Variants in TAGLN3 observed in about 807,000 individuals in gnomAD.
TAGLN3 encodes the protein transgelin-3.
Under a neutral mutation model 25.4 loss-of-function variants are expected in TAGLN3, and 12 were observed. The observed-to-expected ratio is 0.47, with a 90% CI of 0.30 to 0.77. The LOEUF (loss-of-function observed/expected upper bound fraction) is 0.77, where lower values mean the gene tolerates loss of function less well. TAGLN3 is among the 30% of genes least tolerant of loss of function. The pLI is 0.06. For synonymous variants in TAGLN3, 96 were observed against 94.8 expected (o/e 1.01, Z -0.08); for missense variants, 218 against 255.8 (o/e 0.85, Z 1.01).
intron 3 of TAGLN3, 86 bp from the exon 4 acceptor site, chr3:112,011,677 C>G: frequency 4.6e-6 from 6 of 1,302,482 alleles, no homozygotes; most frequent in Non-Finnish European, 6.4e-6. Flanking sequence ...TCTATCAGAA[C>G]TTCCCTCCTG....
intron 3 of TAGLN3, among the ~76,000 whole-genome samples, chr3:112,004,990 C>A (rs1207069741): frequency 2.6e-5 from 4 of 152,132 alleles, no homozygotes; most frequent in Non-Finnish European, 5.9e-5. Context: ...ACTTTGTGAT[C>A]ATTACCCTCT....
chr3:111,999,570 G>T lies in TAGLN3; in HGVS notation c.148G>T (p.Ala50Ser). The change falls in exon 2 of 5, where the codon GCC (alanine) becomes TCC (serine). Residue 50 changes from alanine (A) to serine (S), a missense_variant. Coordinates refer to ENST00000478951, the MANE Select transcript of TAGLN3 (RefSeq NM_001008272.2). ...EDIEHPPPGR[A>S]HFQKWLMDGT... ...CATAGAGCACCCGCCCCCCGGCAGGGCCCATTTTCAGAAATGGTTAATGGA... is the reference window on the plus strand; with the variant it reads ...CATAGAGCACCCGCCCCCCGGCAGGTCCCATTTTCAGAAATGGTTAATGGA... 1 of 1,614,072 alleles carries T rather than the reference G, an allele frequency of 6.2e-7. No individual in the cohort carries two copies. The highest frequency in any genetic ancestry group is 1.1e-5 in the South Asian group (1 of 91,062).
At chr3:112,010,338 C>A (rs971420537) in intron 3 of TAGLN3, among the ~76,000 whole-genome samples, 1 of 152,052 alleles carries the variant, frequency 6.6e-6, no homozygotes, top group Admixed American at 6.5e-5. Context: ...AGTGATATAC[C>A]CTAACCTAAG....
chr3:112,011,516 G>A (rs1354081764), intron 3 of TAGLN3, among the ~76,000 whole-genome samples: 2 of 152,228 alleles, frequency 1.3e-5, no homozygotes, highest in African/African-American at 4.8e-5. Flanking sequence ...GAACGGATTA[G>A]AAACTTGGTA....
At chr3:112,000,657 C>T (rs2072845993) in intron 2 of TAGLN3, 115 bp from the exon 3 acceptor site, 1 of 1,200,584 alleles carries the variant, frequency 8.3e-7, no homozygotes, top group Non-Finnish European at 1.2e-6. Context: ...GGGCCCATGA[C>T]TTGCTCCTGC....
At chr3:112,008,722 A>G (rs989911775) in intron 3 of TAGLN3, among the ~76,000 whole-genome samples, 8 of 152,230 alleles carry the variant, frequency 5.3e-5, no homozygotes, top group Non-Finnish European at 1.0e-4. Flanking sequence ...ATTAGGAAAC[A>G]TAACAAGAAT....
intron 3 of TAGLN3, 88 bp downstream of exon 3, chr3:112,001,034 T>G: frequency 8.4e-7 from 1 of 1,186,528 alleles, no homozygotes; most frequent in Non-Finnish European, 1.2e-6. Context: ...TGTTCTTCCC[T>G]GTGCCGATTG....
chr3:111,999,827 C>T (rs1423155100), intron 2 of TAGLN3, among the ~76,000 whole-genome samples: 1 of 152,180 alleles, frequency 6.6e-6, no homozygotes, highest in African/African-American at 2.4e-5. Context: ...ATTACATCTC[C>T]CTTCTGAGTT....
At chr3:112,012,434 T>C (rs1387650929) in intron 4 of TAGLN3, among the ~76,000 whole-genome samples, 1 of 152,132 alleles carries the variant, frequency 6.6e-6, no homozygotes, top group African/African-American at 2.4e-5. Flanking sequence ...AACAGCGTCC[T>C]AGTCCGGATG....
In TAGLN3 at chr3:112,013,675, G is replaced by GC. The variant is rs567630655; in HGVS notation, c.*125dup. The GC allele has an allele frequency of 1.5e-4, 220 of 1,440,370 alleles. No homozygotes were observed. The East Asian group carries it at 3.2e-3, about 21-fold the overall frequency. The allele number at this position is 1,440,370 out of a possible 1,614,324, so 89.2% of individuals were successfully genotyped here. A position where few individuals can be genotyped will look rare whatever the true frequency, so the allele number is the denominator to read the frequency against. On this transcript the variant is annotated 3_prime_UTR_variant, in exon 5 of 5. Coordinates refer to ENST00000478951, the MANE Select transcript of TAGLN3 (RefSeq NM_001008272.2). ...TCAAAGCCTTCTGTCCCTGGTTTTT[G>GC]CAAGTGCTGCATTTCCGCCGAGAAT...
intron 1 of TAGLN3, 72 bp downstream of exon 1, chr3:111,999,186 C>A (rs1043950687): frequency 3.6e-5 from 16 of 446,056 alleles, no homozygotes; most frequent in Non-Finnish European, 4.4e-5. Flanking sequence ...CCCCCTGGAC[C>A]GGCCGGAGGT....
At chr3:112,012,250 C>CTCTCCCTT in intron 4 of TAGLN3, among the ~76,000 whole-genome samples, 1 of 78,820 alleles carries the variant, frequency 1.3e-5, no homozygotes, top group South Asian at 4.6e-4. Context: ...CTCCCTCCCT[C>CTCTCCCTT]CCTCCCTTCC....
Position 112,013,847 on chromosome 3 carries a change from C to T in TAGLN3, c.*296C>T. On this transcript the variant is annotated 3_prime_UTR_variant, in exon 5 of 5. Transcript: ENST00000478951. ...ATTTGCCAAAAATTCTCCTCTTCAA[C>T]TTATAGAATGCACCTAATAAAGTAA... is the stretch of plus-strand genomic sequence containing the variant. 2.5e-6 allele frequency: 1 copy of T among 402,264 alleles called. No homozygotes were observed. Among genetic ancestry groups the T allele is most frequent in the East Asian group, 5.5e-5 (1 of 18,166 alleles). 24.9% of individuals were successfully genotyped at this position (402,264 alleles called of 1,614,324 possible). A position where few individuals can be genotyped will look rare whatever the true frequency, so the allele number is the denominator to read the frequency against.
intron 1 of TAGLN3, 53 bp from the exon 2 acceptor site, chr3:111,999,368 G>T: frequency 1.3e-6 from 2 of 1,572,262 alleles, no homozygotes; most frequent in Non-Finnish European, 1.7e-6. Flanking sequence ...GGAGCCGGAG[G>T]CTGCTGCTGC....
intron 3 of TAGLN3, among the ~76,000 whole-genome samples, chr3:112,010,190 G>A (rs143996706): frequency 4.7e-4 from 71 of 152,092 alleles, no homozygotes; most frequent in African/African-American, 1.5e-3. Context: ...TTCTTCATCC[G>A]TTGCTCCAGG....
At chr3:112,003,466 A>G (rs975908839) in intron 3 of TAGLN3, among the ~76,000 whole-genome samples, 3 of 152,298 alleles carry the variant, frequency 2.0e-5, no homozygotes, top group African/African-American at 4.8e-5. Flanking sequence ...GTGTTTTGGC[A>G]TAAGAAAGCT....
chr3:112,011,213 A>G (rs1323547904), intron 3 of TAGLN3, among the ~76,000 whole-genome samples: 2 of 152,176 alleles, frequency 1.3e-5, no homozygotes, highest in African/African-American at 4.8e-5. Flanking sequence ...TGCTTTCTCC[A>G]TGGGTTAATG....
In TAGLN3 at chr3:111,999,595, A is replaced by T. The variant is rs1398905718; in HGVS notation, c.173A>T (p.Asp58Val). ...GRAHFQKWLM[D>V]GTVLCKLINS... ...GCCCATTTTCAGAAATGGTTAATGG[A>T]CGGGACGGTAAGGCCGGCAGCGATC... The change falls in exon 2 of 5, where the codon GAC (aspartate) becomes GTC (valine). Residue 58 changes from aspartate (D) to valine (V), a missense_variant. By Grantham distance (152) the Asp-to-Val change is radical. Transcript: ENST00000478951. 6.2e-7 allele frequency: 1 copy of T among 1,613,438 alleles called. No homozygotes were observed. Among genetic ancestry groups the T allele is most frequent in the Non-Finnish European group, 8.5e-7 (1 of 1,179,662 alleles).
At chr3:112,005,435 G>A (rs1372768974) in intron 3 of TAGLN3, among the ~76,000 whole-genome samples, 1 of 152,116 alleles carries the variant, frequency 6.6e-6, no homozygotes, top group East Asian at 1.9e-4. Context: ...TAATTCTACT[G>A]GTATGGATCC....
Sources: allele counts gnomAD v4.1 joint callset (sites outside exome capture counted in the v4.1 genomes callset), GRCh38; gene constraint gnomAD v4.1.1; transcripts MANE v1.5; gene names NCBI Gene and HGNC (gene_info 2026-07-23, HGNC 2026-07-21).